PPP6R2: variants seen among roughly 807,000 people sequenced by gnomAD.
PPP6R2 encodes serine/threonine-protein phosphatase 6 regulatory subunit 2.
In PPP6R2, 62 loss-of-function variants were observed where a neutral mutation model predicts 100.2. The observed-to-expected ratio is 0.62, with a 90% CI of 0.50 to 0.76. The LOEUF (loss-of-function observed/expected upper bound fraction) is 0.76, where lower values mean the gene tolerates loss of function less well. Ranked by LOEUF, PPP6R2 falls within the 30% of genes least tolerant of loss-of-function variation. The pLI is 0.00. For synonymous variants in PPP6R2, 525 were observed against 514.7 expected (o/e 1.02, Z -0.27); for missense variants, 1,142 against 1,276.3 (o/e 0.89, Z 1.60).
chr22:50,442,264 G>C (rs908060893), intron 22 of PPP6R2, among the ~76,000 whole-genome samples: 6 of 152,220 alleles, frequency 3.9e-5, no homozygotes, highest in Admixed American at 3.9e-4. Context: ...GTGTGGTACT[G>C]GGGCTCCGGG....
chr22:50,441,290 CAAG>C (rs1569499002), intron 22 of PPP6R2, among the ~76,000 whole-genome samples: 2 of 152,168 alleles, frequency 1.3e-5, no homozygotes, highest in African/African-American at 2.4e-5. Flanking sequence ...GTGGTTAAGA[CAAG>C]AAGACAGGGC....
intron 8 of PPP6R2, among the ~76,000 whole-genome samples, chr22:50,421,017 G>A (rs1569465434): frequency 6.6e-6 from 1 of 152,142 alleles, no homozygotes; most frequent in African/African-American, 2.4e-5. Flanking sequence ...TAAAGTGAAA[G>A]AAAAAGGAAC....
At chr22:50,372,365 C>T (rs1436822209) in intron 2 of PPP6R2, among the ~76,000 whole-genome samples, 3 of 152,016 alleles carry the variant, frequency 2.0e-5, no homozygotes, top group Non-Finnish European at 4.4e-5. Context: ...GCCTGACCAA[C>T]ATGATGAAAC....
Position 50,423,353 on chromosome 22 carries a change from C to A in PPP6R2, c.973-109C>A. 7.2e-7 allele frequency: 1 copy of A among 1,397,844 alleles called. No individual in the cohort carries two copies. Among genetic ancestry groups the A allele is most frequent in the Non-Finnish European group, 9.8e-7 (1 of 1,019,200 alleles). 86.6% of individuals were successfully genotyped at this position (1,397,844 alleles called of 1,614,324 possible). A position where few individuals can be genotyped will look rare whatever the true frequency, so the allele number is the denominator to read the frequency against. ...TGAGGAACCCCCACCACATACCTCG[C>A]TACCCCAGGCTGGGTCCCAGCCTAG... On this transcript the variant is annotated intron_variant, in intron 9 of 23. Coordinates refer to ENST00000612753, the MANE Select transcript of PPP6R2 (RefSeq NM_001242898.2). The surrounding 1 kb of genome is among the most constrained non-coding windows in gnomAD (Gnocchi z 4.8).
At position 50,412,682 on chromosome 22, in the gene PPP6R2, C is replaced by T. The variant is rs190944879; in HGVS notation, c.415-1870C>T. Among the ~76,000 whole-genome samples the T allele has an allele frequency of 7.4e-5, 9 of 121,212 alleles. No individual in the cohort carries two copies. The Admixed American group carries it at 8.5e-4, about 11-fold the overall frequency. The allele number at this position is 121,212 out of a possible 152,430, so 79.5% of individuals were successfully genotyped here. On this transcript the variant is annotated intron_variant, in intron 4 of 23. Coordinates refer to ENST00000612753, the MANE Select transcript of PPP6R2 (RefSeq NM_001242898.2). ...TTTGAGACGGAGTCTTGCTCTGTCA[C>T]CCAGGCTGGAGTGCAGTGGCGTGAT... is the stretch of plus-strand genomic sequence containing the variant.
At chr22:50,440,310 C>T (rs2065284725) in intron 21 of PPP6R2, among the ~76,000 whole-genome samples, 1 of 152,228 alleles carries the variant, frequency 6.6e-6, no homozygotes, top group African/African-American at 2.4e-5. Flanking sequence ...GGTCTGCACC[C>T]TGGATTCCGG....
intron 22 of PPP6R2, among the ~76,000 whole-genome samples, chr22:50,442,355 A>C (rs2065855757): frequency 6.6e-6 from 1 of 152,128 alleles, no homozygotes; most frequent in Admixed American, 6.5e-5. Context: ...GTCTGTGCTC[A>C]CAGCTCCTCC....
In PPP6R2 at chr22:50,444,198, G is replaced by A. The variant is rs1455714503; in HGVS notation, c.2832-1G>A. Reference sequence around the variant, plus strand: ...GTTCCAACCCCACCCCATTCCTGCAGGAAGACAGATGCCCCGCCAGAAGGA... The same window carrying A: ...GTTCCAACCCCACCCCATTCCTGCAAGAAGACAGATGCCCCGCCAGAAGGA... On this transcript the variant is annotated splice_acceptor_variant, in intron 23 of 23. Transcript: ENST00000612753. LOFTEE classifies it high-confidence loss of function. The A allele has an allele frequency of 6.2e-7, 1 of 1,612,892 alleles. No individual in the cohort carries two copies. Among genetic ancestry groups the A allele is most frequent in the Non-Finnish European group, 8.5e-7 (1 of 1,179,732 alleles).
Position 50,440,966 on chromosome 22 carries a change from G to A in PPP6R2, c.2519G>A (p.Gly840Asp). The A allele has an allele frequency of 2.5e-6, 4 of 1,612,276 alleles. No homozygotes were observed. Among genetic ancestry groups the A allele is most frequent in the Non-Finnish European group, 2.5e-6 (3 of 1,179,186 alleles). Residue 840 changes from glycine to aspartate, a missense_variant, in exon 22 of 24, where the codon GGT (glycine) becomes GAT (aspartate). Gly to Asp is a moderately conservative substitution (Grantham distance 94, BLOSUM62 -1). Coordinates refer to ENST00000612753, the MANE Select transcript of PPP6R2 (RefSeq NM_001242898.2). ...AGTGCCATGGATGCGGTGAGCAGGG[G>A]TCCCGGCCGGGAGGCCCCCCCGCTG... ...AASAMDAVSR[G>D]PGREAPPLPT...
chr22:50,390,628 C>G (rs138722242), intron 2 of PPP6R2, among the ~76,000 whole-genome samples: 1 of 151,772 alleles, frequency 6.6e-6, no homozygotes, highest in African/African-American at 2.4e-5. Flanking sequence ...CATTGCACTC[C>G]ATCCTGGGCA....
intron 1 of PPP6R2, among the ~76,000 whole-genome samples, chr22:50,363,665 T>A (rs2048209615): frequency 6.6e-6 from 1 of 152,206 alleles, no homozygotes; most frequent in African/African-American, 2.4e-5. Context: ...TCAATCTCTC[T>A]CCTGCTTCTG....
chr22:50,441,971 C>T (rs1225500707), intron 22 of PPP6R2, among the ~76,000 whole-genome samples: 1 of 152,170 alleles, frequency 6.6e-6, no homozygotes, highest in Non-Finnish European at 1.5e-5. Flanking sequence ...ACCCTGAGGC[C>T]TGAGCTCCCA....
upstream of PPP6R2, among the ~76,000 whole-genome samples, chr22:50,340,828 T>C (rs2042363596): frequency 6.6e-6 from 1 of 151,824 alleles, no homozygotes; most frequent in Non-Finnish European, 1.5e-5. Flanking sequence ...TGTAGGGCCC[T>C]GTGGGCAACA....
chr22:50,420,495 G>A (rs58936539), intron 8 of PPP6R2, among the ~76,000 whole-genome samples: 2,893 of 152,286 alleles, frequency 0.019, 93 homozygotes, highest in African/African-American at 0.065. Flanking sequence ...GAGGATATAG[G>A]TGCTGGAGAC....
upstream of PPP6R2, among the ~76,000 whole-genome samples, chr22:50,338,901 G>A (rs867663162): frequency 3.3e-4 from 34 of 102,168 alleles, no homozygotes; most frequent in South Asian, 7.7e-4. Context: ...GGGTATGTGT[G>A]GTGTGTGTGG....
In PPP6R2 at chr22:50,438,540, C is replaced by T. The variant is rs570708404; in HGVS notation, c.1965-59C>T. The T allele has an allele frequency of 3.2e-6, 5 of 1,581,532 alleles. No homozygotes were observed. The South Asian group carries it at 5.7e-5, about 18-fold the overall frequency. ...GCCCCGAGCCTGGGGCCGCCACTGACCCTCCATGTTAGGCGTCCGTCCTGG... is the reference window on the plus strand; with the variant it reads ...GCCCCGAGCCTGGGGCCGCCACTGATCCTCCATGTTAGGCGTCCGTCCTGG... On this transcript the variant is annotated intron_variant, in intron 18 of 23. Transcript: ENST00000612753.
chr22:50,441,493 G>A (rs975139150), intron 22 of PPP6R2, among the ~76,000 whole-genome samples: 8 of 152,184 alleles, frequency 5.3e-5, no homozygotes, highest in Admixed American at 2.6e-4. Context: ...TGGGGCTCAC[G>A]CAGACCTCGC....
At position 50,438,230 on chromosome 22, in the gene PPP6R2, T is replaced by C. The variant is rs773757489; in HGVS notation, c.1896T>C (p.Asp632=). The C allele has an allele frequency of 1.1e-5, 18 of 1,613,794 alleles. No individual in the cohort carries two copies. The East Asian group carries it at 4.0e-4, about 36-fold the overall frequency. Reference sequence around the variant, plus strand: ...GTGACCGCATCCAGCCCTTTGATGATGATGAGGACGAGGACATCTGGGAGG... The same window carrying C: ...GTGACCGCATCCAGCCCTTTGATGACGATGAGGACGAGGACATCTGGGAGG... The part of the protein sequence containing the change: ...CCSDRIQPFD[D]DEDEDIWEDS... Residue 632 remains aspartate (D), a synonymous_variant, in exon 18 of 24, where the codon GAT becomes GAC. Transcript: ENST00000612753.
At chr22:50,432,080 C>T (rs1417713450) in intron 11 of PPP6R2, among the ~76,000 whole-genome samples, 185 bp from the exon 12 acceptor site, 1 of 152,180 alleles carries the variant, frequency 6.6e-6, no homozygotes, top group Non-Finnish European at 1.5e-5. Context: ...GAGCCCCGAA[C>T]CGCACCCTCC....
Sources: allele counts gnomAD v4.1 joint callset (sites outside exome capture counted in the v4.1 genomes callset), GRCh38; gene constraint gnomAD v4.1.1; non-coding constraint Gnocchi (gnomAD v3.1); transcripts MANE v1.5; gene names NCBI Gene and HGNC (gene_info 2026-07-23, HGNC 2026-07-21).